The following CNKSR3 variants were observed in gnomAD, a reference collection of about 807,000 sequenced individuals.
The protein encoded by CNKSR3 is CNKSR family member 3.
In CNKSR3, 36 loss-of-function variants were observed where a neutral mutation model predicts 67.7. The ratio of observed to expected loss-of-function variants is 0.53; its 90% CI spans 0.41 to 0.70. CNKSR3 has a LOEUF of 0.70. CNKSR3 is among the 30% of genes least tolerant of loss of function. CNKSR3 has a pLI of 0.00. For synonymous variants in CNKSR3, 281 were observed against 271.4 expected (o/e 1.04, Z -0.35); for missense variants, 630 against 695.2 (o/e 0.91, Z 1.05).
intron 1 of CNKSR3, chr6:154,478,409 C>T (rs183502220): frequency 2.6e-5 from 4 of 154,134 alleles, no homozygotes; most frequent in Non-Finnish European, 5.8e-5. Flanking sequence ...TCTCTGGACA[C>T]CAACCACGCA....
chr6:154,425,252 G>C (rs1255069088), intron 7 of CNKSR3, among the ~76,000 whole-genome samples: 6 of 152,198 alleles, frequency 3.9e-5, no homozygotes, highest in Non-Finnish European at 8.8e-5. Context: ...CTTTACAAAA[G>C]ATAGCCCCAA....
intron 1 of CNKSR3, among the ~76,000 whole-genome samples, chr6:154,464,992 T>C (rs4870293): frequency 0.34 from 51,486 of 151,030 alleles, 9,155 homozygotes; most frequent in African/African-American, 0.43. Context: ...ATACAAAAAA[T>C]TAGCCGAGTA....
chr6:154,427,267 T>A (rs998050122), intron 7 of CNKSR3, among the ~76,000 whole-genome samples: 1 of 152,202 alleles, frequency 6.6e-6, no homozygotes, highest in Non-Finnish European at 1.5e-5. Context: ...AGATCTAGCA[T>A]CTGAAGCTCA....
In CNKSR3 at chr6:154,398,165, T is replaced by C. The variant is rs1174511206; in HGVS notation, c.*8189A>G. 2 of 152,194 alleles carry C rather than the reference T, an allele frequency of 1.3e-5. No homozygotes were observed. The highest frequency in any genetic ancestry group is 4.8e-5 in the African/African-American group (2 of 41,444). 9.4% of individuals were successfully genotyped at this position (152,194 alleles called of 1,614,324 possible). ...TGGACACAACCCCACCCCAGTCCAG[T>C]GGTGCGGATCAATAAATCGAGACTT... On this transcript the variant is annotated 3_prime_UTR_variant, in exon 13 of 13. Transcript: ENST00000607772.
At chr6:154,410,225 A>C in intron 12 of CNKSR3, 118 bp downstream of exon 12, 2 of 637,176 alleles carry the variant, frequency 3.1e-6, no homozygotes, top group Non-Finnish European at 5.5e-6. Flanking sequence ...AACGGGACTC[A>C]GAAAGGCCAA....
At chr6:154,426,958 C>T (rs976476535) in intron 7 of CNKSR3, among the ~76,000 whole-genome samples, 3 of 152,174 alleles carry the variant, frequency 2.0e-5, no homozygotes, top group African/African-American at 7.2e-5. Flanking sequence ...AAGGAAGAAT[C>T]GTGTGTTGCA....
intron 1 of CNKSR3, among the ~76,000 whole-genome samples, chr6:154,482,895 T>C (rs1277105571): frequency 6.6e-6 from 1 of 152,224 alleles, no homozygotes; most frequent in Non-Finnish European, 1.5e-5. Flanking sequence ...GAATGTTTAA[T>C]CAGAGATGAT....
At chr6:154,414,603 T>C (rs780808210) in intron 9 of CNKSR3, 180 bp from the exon 10 acceptor site, 55 of 702,498 alleles carry the variant, frequency 7.8e-5, no homozygotes, top group Non-Finnish European at 1.3e-4. Flanking sequence ...AACCTTAGAA[T>C]GAGCTGAGGG....
intron 1 of CNKSR3, among the ~76,000 whole-genome samples, chr6:154,502,750 A>G (rs897036276): frequency 6.6e-6 from 1 of 152,212 alleles, no homozygotes; most frequent in Non-Finnish European, 1.5e-5. Context: ...CTCAGAGCTC[A>G]TGAAAATAAC....
intron 1 of CNKSR3, among the ~76,000 whole-genome samples, chr6:154,456,903 G>T (rs952290364): frequency 6.6e-6 from 1 of 151,998 alleles, no homozygotes; most frequent in Non-Finnish European, 1.5e-5. Flanking sequence ...CATTACAAAG[G>T]AGACGGGGTT....
intron 1 of CNKSR3, among the ~76,000 whole-genome samples, chr6:154,492,453 G>A (rs1017225322): frequency 2.0e-5 from 3 of 152,058 alleles, no homozygotes; most frequent in Non-Finnish European, 4.4e-5. Context: ...CTCACTTGGT[G>A]GGCAAATGGG....
intron 1 of CNKSR3, among the ~76,000 whole-genome samples, chr6:154,498,321 T>C (rs1786917453): frequency 6.6e-6 from 1 of 151,734 alleles, no homozygotes; most frequent in African/African-American, 2.4e-5. Flanking sequence ...AATTGCAAAC[T>C]GGTCCATAGA....
chr6:154,416,035 C>T (rs1367081123), intron 9 of CNKSR3, among the ~76,000 whole-genome samples: 1 of 152,098 alleles, frequency 6.6e-6, no homozygotes, highest in Non-Finnish European at 1.5e-5. Context: ...AATCCCAACA[C>T]TTTGGGAGTC....
chr6:154,424,239 AAAAAAAAAAGAAAAG>A (rs1000981719), intron 7 of CNKSR3, among the ~76,000 whole-genome samples: 1 of 148,350 alleles, frequency 6.7e-6, no homozygotes. Context: ...TCAAAAAAAA[AAAAAAAAAAGAAAAG>A]AAAAAAGAAA....
chr6:154,409,590 C>T (rs1038713066), intron 12 of CNKSR3, among the ~76,000 whole-genome samples: 3 of 152,090 alleles, frequency 2.0e-5, no homozygotes, highest in East Asian at 1.9e-4. Context: ...TGGTGGCACA[C>T]GTCTGTAACA....
In CNKSR3 at chr6:154,410,369, G is replaced by A. The variant is rs139168826; in HGVS notation, c.1343C>T (p.Ala448Val). 555 of 1,613,890 alleles carry A rather than the reference G, an allele frequency of 3.4e-4. No homozygotes were observed. The highest frequency in any genetic ancestry group is 4.3e-4 in the Non-Finnish European group (504 of 1,179,946). The change falls in exon 12 of 13, where the codon GCC becomes GTC. Residue 448 changes from alanine (A) to valine (V), a missense_variant. Around this residue, in one of 3 missense-constraint regions of CNKSR3, gnomAD observed 308 missense variants for 299.6 expected, o/e 1.03. Transcript: ENST00000607772. Reference sequence around the variant, plus strand: ...TTTCCTGCCATGACCTCGAGGTCTGGCAAAAGGGTCCACAATCCCCATCCA... The same window carrying A: ...TTTCCTGCCATGACCTCGAGGTCTGACAAAAGGGTCCACAATCCCCATCCA... ...GNWMGIVDPF[A>V]RPRGHGRKGE...
rs1787187673 is a variant in CNKSR3, at chr6:154,510,201, C to T, written c.-87G>A. 3.3e-6 allele frequency: 5 copies of T among 1,511,058 alleles called. No homozygotes were observed. The highest frequency in any genetic ancestry group is 1.7e-5 in the Admixed American group (1 of 59,366). 93.6% of individuals were successfully genotyped at this position (1,511,058 alleles called of 1,614,324 possible). ...TCCGGTGCCCCTTCCCGGGAGGGCG[C>T]GCCCGCGGCTGCTCCCCTGCGCCCG... On this transcript the variant is annotated 5_prime_UTR_variant, in exon 1 of 13. Coordinates refer to ENST00000607772, the MANE Select transcript of CNKSR3 (RefSeq NM_173515.4).
intron 1 of CNKSR3, 144 bp from the exon 2 acceptor site, chr6:154,450,402 G>T: frequency 1.3e-6 from 1 of 760,816 alleles, no homozygotes; most frequent in Non-Finnish European, 2.1e-6. Context: ...TATTGCACCT[G>T]ATGGGCACTT....
chr6:154,457,625 G>A (rs904854899), intron 1 of CNKSR3, among the ~76,000 whole-genome samples: 9 of 152,120 alleles, frequency 5.9e-5, no homozygotes, highest in African/African-American at 2.2e-4. Flanking sequence ...ATTCTGTTCT[G>A]TCATTTGTCT....
Sources: allele counts gnomAD v4.1 joint callset (sites outside exome capture counted in the v4.1 genomes callset), GRCh38; gene constraint gnomAD v4.1.1; regional missense constraint gnomAD v4.1.1; transcripts MANE v1.5; gene names NCBI Gene and HGNC (gene_info 2026-07-23, HGNC 2026-07-21).